CRAMP1: variants seen among roughly 807,000 people sequenced by gnomAD.
CRAMP1 encodes the protein protein cramped-like.
CRAMP1 carries 50 observed loss-of-function variants against 115.4 expected under a neutral mutation model. The observed-to-expected ratio is 0.43, with a 90% CI of 0.35 to 0.55. The LOEUF (loss-of-function observed/expected upper bound fraction) is 0.55, where lower values mean the gene tolerates loss of function less well. CRAMP1 is among the 20% of genes least tolerant of loss of function. The pLI, the probability that CRAMP1 is intolerant of heterozygous loss-of-function variation, is 0.01. For synonymous variants in CRAMP1, 866 were observed against 745.4 expected (o/e 1.16, Z -2.64); for missense variants, 1,679 against 1,721.7 (o/e 0.98, Z 0.44).
At chr16:1,644,610 A>G (rs2036658548) in intron 6 of CRAMP1, among the ~76,000 whole-genome samples, 1 of 152,240 alleles carries the variant, frequency 6.6e-6, no homozygotes, top group Admixed American at 6.5e-5. Flanking sequence ...GGGCCACACA[A>G]AGAGTTGGGG....
intron 10 of CRAMP1, among the ~76,000 whole-genome samples, chr16:1,657,345 G>A (rs980454064): frequency 6.6e-6 from 1 of 152,242 alleles, no homozygotes; most frequent in South Asian, 2.1e-4. Context: ...CAACAGGCAG[G>A]CAGTACCTTG....
chr16:1,628,722 ATGT>A, intron 3 of CRAMP1, among the ~76,000 whole-genome samples: 1 of 152,344 alleles, frequency 6.6e-6, no homozygotes, highest in African/African-American at 2.4e-5. Context: ...GGCTTCTGCC[ATGT>A]TGTCATGGCC....
rs1469838143 is a variant in CRAMP1, at chr16:1,666,802, C to T, written c.3036+202C>T. Among the ~76,000 whole-genome samples, 1 of 152,260 alleles carries T rather than the reference C, an allele frequency of 6.6e-6. No individual in the cohort carries two copies. Among genetic ancestry groups the T allele is most frequent in the Non-Finnish European group, 1.5e-5 (1 of 68,040 alleles). The stretch of plus-strand genomic sequence containing the variant: ...GCCACTGACGAAAGGTGGGGACAGG[C>T]TTGCCATGTGGCACTGGAGAACTCA... On this transcript the variant is annotated intron_variant, in intron 16 of 20. Coordinates refer to ENST00000397412, the MANE Select transcript of CRAMP1 (RefSeq NM_020825.4). This position sits in a 1 kb window ranked among gnomAD's most constrained non-coding sequence, Gnocchi z 5.0.
At chr16:1,617,455 T>C (rs1187620346) in intron 2 of CRAMP1, among the ~76,000 whole-genome samples, 1 of 152,240 alleles carries the variant, frequency 6.6e-6, no homozygotes, top group Non-Finnish European at 1.5e-5. Context: ...AGAAAGATGC[T>C]CAGAGGAGAA....
At chr16:1,616,042 C>T (rs1022161972) in intron 2 of CRAMP1, among the ~76,000 whole-genome samples, 14 of 152,150 alleles carry the variant, frequency 9.2e-5, no homozygotes, top group Admixed American at 6.5e-4. Context: ...GAAGGCTGGC[C>T]TCCGGAATCA....
At chr16:1,634,110 G>A (rs537041642) in intron 4 of CRAMP1, among the ~76,000 whole-genome samples, 1 of 152,288 alleles carries the variant, frequency 6.6e-6, no homozygotes, top group East Asian at 1.9e-4. Flanking sequence ...CTCTATGGGG[G>A]AAGCTGGCCA....
At chr16:1,640,050 G>A (rs565627788) in intron 5 of CRAMP1, among the ~76,000 whole-genome samples, 3 of 152,180 alleles carry the variant, frequency 2.0e-5, no homozygotes, top group African/African-American at 4.8e-5. Context: ...GCCGGTTTCC[G>A]CAACCGGTTC....
At chr16:1,634,543 C>G (rs1311184606) in intron 4 of CRAMP1, among the ~76,000 whole-genome samples, 1 of 152,128 alleles carries the variant, frequency 6.6e-6, no homozygotes, top group Admixed American at 6.5e-5. Flanking sequence ...CGTGTGGGCC[C>G]CTGTGCTTCC....
chr16:1,629,901 AC>A (rs2036536071), intron 3 of CRAMP1, among the ~76,000 whole-genome samples: 1 of 151,566 alleles, frequency 6.6e-6, no homozygotes, highest in Admixed American at 6.6e-5. Flanking sequence ...TTCTGTCTTC[AC>A]CTCCCTCAGC....
chr16:1,627,968 C>G (rs57329069), intron 3 of CRAMP1, among the ~76,000 whole-genome samples: 3,362 of 152,214 alleles, frequency 0.022, 235 homozygotes, highest in Admixed American at 0.13. Context: ...GGTCTGGGTG[C>G]CTGGGAGCAG....
At chr16:1,653,991 A>C (rs976419681) in intron 8 of CRAMP1, among the ~76,000 whole-genome samples, 14 of 149,956 alleles carry the variant, frequency 9.3e-5, no homozygotes, top group African/African-American at 2.9e-4. Context: ...AATACAAAAA[A>C]AATTAGCCGG....
chr16:1,641,270 C>A, intron 6 of CRAMP1, 83 bp downstream of exon 6: 2 of 979,916 alleles, frequency 2.0e-6, no homozygotes, highest in Non-Finnish European at 3.3e-6. Flanking sequence ...GAAATGCTCT[C>A]AGTGAGGACC....
In CRAMP1 at chr16:1,656,440, GC is replaced by G; in HGVS notation, c.1687del (p.Arg563AlafsTer3). 6.3e-7 allele frequency: 1 copy of G among 1,584,892 alleles called. No individual in the cohort carries two copies. The highest frequency in any genetic ancestry group is 8.6e-7 in the Non-Finnish European group (1 of 1,166,170). ...ACGAGCTCTCGCTTCTAGACCCCTT[GC>G]CCCGCTACCTAAAGTCCTGTCAGGA... ...EDELSLLDPL[P>X]RYLKSCQDLI... On this transcript the variant is annotated frameshift_variant, in exon 10 of 21. Coordinates refer to ENST00000397412, the MANE Select transcript of CRAMP1 (RefSeq NM_020825.4). LOFTEE classifies it high-confidence loss of function. The surrounding 1 kb of genome is among the most constrained non-coding windows in gnomAD (Gnocchi z 5.6).
chr16:1,613,290 C>G (rs959899654), intron 1 of CRAMP1, among the ~76,000 whole-genome samples: 13 of 152,112 alleles, frequency 8.5e-5, no homozygotes, highest in African/African-American at 2.4e-4. Flanking sequence ...CCAATTCCGA[C>G]AGGAGAAAAC....
Position 1,662,670 on chromosome 16 carries a change from GT to G in CRAMP1, c.2595del (p.Ser865ArgfsTer52). 1 of 1,614,018 alleles carries G rather than the reference GT, an allele frequency of 6.2e-7. No homozygotes were observed. Among genetic ancestry groups the G allele is most frequent in the Non-Finnish European group, 8.5e-7 (1 of 1,179,898 alleles). On this transcript the variant is annotated frameshift_variant and splice_region_variant, in exon 12 of 21. Transcript: ENST00000397412. LOFTEE classifies it high-confidence loss of function. ...LTFRQHLNSISMQSDFFLPKP... is the reference protein window; with the variant it reads ...LTFRQHLNSIXMQSDFFLPKP... ...TTCCGCCAGCATCTGAACTCCATCA[GT>G]GTGAGTGTGTGGGGCCGGGCCGCCC...
At chr16:1,617,741 A>G (rs976816969) in intron 2 of CRAMP1, among the ~76,000 whole-genome samples, 19 of 152,208 alleles carry the variant, frequency 1.2e-4, no homozygotes, top group African/African-American at 3.6e-4. Context: ...TCTGCATGCA[A>G]GTGTGTTTTC....
rs748863527 is a variant in CRAMP1, at chr16:1,655,281, C to T, written c.1100C>T (p.Ala367Val). Residue 367 changes from alanine to valine, a missense_variant, in exon 9 of 21, where the codon GCG becomes GTG. Coordinates refer to ENST00000397412, the MANE Select transcript of CRAMP1 (RefSeq NM_020825.4). ...ATCGAATTCTTGAAGCAGAAGTGGG[C>T]GCTCCATGAGGTGCGAGTTGTATCC... is the stretch of plus-strand genomic sequence containing the variant. ...SLIEFLKQKW[A>V]LHEVRVRKTL... 72 of 1,613,704 alleles carry T rather than the reference C, an allele frequency of 4.5e-5. No homozygotes were observed. The highest frequency in any genetic ancestry group is 5.8e-5 in the Non-Finnish European group (69 of 1,179,718).
At chr16:1,621,742 G>C (rs1323854345) in intron 2 of CRAMP1, among the ~76,000 whole-genome samples, 2 of 152,012 alleles carry the variant, frequency 1.3e-5, no homozygotes, top group Admixed American at 1.3e-4. Flanking sequence ...CACTGTTGGC[G>C]ATCCTGCTTC....
intron 2 of CRAMP1, among the ~76,000 whole-genome samples, chr16:1,621,369 G>T (rs1439154765): frequency 6.6e-6 from 1 of 152,248 alleles, no homozygotes; most frequent in Non-Finnish European, 1.5e-5. Context: ...GGCTGTGGCA[G>T]GTGCTAGGGG....
Sources: allele counts gnomAD v4.1 joint callset (sites outside exome capture counted in the v4.1 genomes callset), GRCh38; gene constraint gnomAD v4.1.1; non-coding constraint Gnocchi (gnomAD v3.1); transcripts MANE v1.5; gene names NCBI Gene and HGNC (gene_info 2026-07-23, HGNC 2026-07-21).